Variants in PIN1 observed in about 807,000 individuals in gnomAD.
PIN1 encodes peptidyl-prolyl cis-trans isomerase NIMA-interacting 1.
In PIN1, 8 loss-of-function variants were observed where a neutral mutation model predicts 19.9. The ratio of observed to expected loss-of-function variants is 0.40; its 90% CI spans 0.24 to 0.72. PIN1 has a LOEUF of 0.72. Among genes scored for constraint, PIN1 ranks in the 30% least tolerant of loss-of-function variants. The probability of loss-of-function intolerance (pLI) is 0.37; values close to 1 mark genes in which losing one functional copy is unlikely to be tolerated. For missense variants in PIN1, 185 were observed against 226.5 expected (o/e 0.82, Z 1.18); for synonymous variants, 86 against 90.8 (o/e 0.95, Z 0.30).
intron 2 of PIN1, among the ~76,000 whole-genome samples, chr19:9,841,919 A>G (rs1298387996): frequency 6.6e-6 from 1 of 152,162 alleles, no homozygotes. Context: ...GAGCTGCTCC[A>G]AGCAATCCTG....
In PIN1 at chr19:9,843,519, A is replaced by G. The variant is rs544271036; in HGVS notation, c.272-4511A>G. On this transcript the variant is annotated intron_variant, in intron 2 of 3. Coordinates refer to ENST00000247970, the MANE Select transcript of PIN1 (RefSeq NM_006221.4). ...CCCACCTAGGTCACTGATGTGCATT[A>G]GCTTGGACTGTTGTAACAAAATATC... 6.3e-4 allele frequency among the ~76,000 whole-genome samples: 96 copies of G among 152,378 alleles called. 2 individuals carry two copies. Among genetic ancestry groups the G allele is most frequent in the Middle Eastern group, 6.8e-3 (2 of 294 alleles).
rs1179524462 is a variant in PIN1, at chr19:9,848,150, G to A, written c.382+10G>A. ...GGTGCCTTCAGCAGAGGTGCGCAAG[G>A]AATGGGCCTCACCAGGTTGGGGGAC... On this transcript the variant is annotated intron_variant, in intron 3 of 3. Transcript: ENST00000247970. The A allele has an allele frequency of 6.5e-7, 1 of 1,531,944 alleles. No individual in the cohort carries two copies. The highest frequency in any genetic ancestry group is 9.0e-7 in the Non-Finnish European group (1 of 1,105,136). 94.9% of individuals were successfully genotyped at this position (1,531,944 alleles called of 1,614,324 possible).
chr19:9,839,948 C>T (rs755424825), intron 2 of PIN1, among the ~76,000 whole-genome samples: 11 of 151,784 alleles, frequency 7.2e-5, no homozygotes, highest in African/African-American at 2.4e-4. Flanking sequence ...TGTAATGAGC[C>T]GAGATCACAC....
chr19:9,848,147 A>G lies in PIN1; in HGVS notation c.382+7A>G. The G allele has an allele frequency of 6.5e-7, 1 of 1,547,386 alleles. No homozygotes were observed. Among genetic ancestry groups the G allele is most frequent in the Non-Finnish European group, 8.9e-7 (1 of 1,119,252 alleles). ...CTGGGTGCCTTCAGCAGAGGTGCGC[A>G]AGGAATGGGCCTCACCAGGTTGGGG... is the stretch of plus-strand genomic sequence containing the variant. On this transcript the variant is annotated splice_region_variant and intron_variant, in intron 3 of 3. Transcript: ENST00000247970.
intron 2 of PIN1, among the ~76,000 whole-genome samples, chr19:9,841,562 T>G (rs1599451032): frequency 6.6e-6 from 1 of 152,194 alleles, no homozygotes; most frequent in Admixed American, 6.5e-5. Flanking sequence ...TGAGGAGGTT[T>G]GGTTCTTTCC....
intron 3 of PIN1, 91 bp from the exon 4 acceptor site, chr19:9,848,999 G>A (rs1050730652): frequency 9.3e-6 from 7 of 751,072 alleles, no homozygotes; most frequent in South Asian, 2.9e-5. Context: ...GCAGGCAGGA[G>A]CCCCATCTGT....
intron 1 of PIN1, chr19:9,835,626 A>T: frequency 8.9e-6 from 4 of 449,274 alleles, no homozygotes; most frequent in Admixed American, 4.6e-5. Context: ...TGGGCGGGTG[A>T]GGGTCCGGGG....
At position 9,835,384 on chromosome 19, in the gene PIN1, C is replaced by A; in HGVS notation, c.40C>A (p.Arg14Ser). The A allele has an allele frequency of 6.6e-7, 1 of 1,517,400 alleles. No homozygotes were observed. The highest frequency in any genetic ancestry group is 8.8e-7 in the Non-Finnish European group (1 of 1,139,652). 94.0% of individuals were successfully genotyped at this position (1,517,400 alleles called of 1,614,324 possible). The stretch of plus-strand genomic sequence containing the variant: ...GAAGCTGCCGCCCGGCTGGGAGAAG[C>A]GCATGAGCCGCAGCTCAGGTGCCGC... ...EEKLPPGWEK[R>S]MSRSSGRVYY... Residue 14 changes from arginine to serine, a missense_variant, in exon 1 of 4, where the codon CGC becomes AGC. Arg to Ser is a moderately radical substitution (Grantham distance 110). Coordinates refer to ENST00000247970, the MANE Select transcript of PIN1 (RefSeq NM_006221.4).
At chr19:9,842,176 G>C (rs1246084432) in intron 2 of PIN1, among the ~76,000 whole-genome samples, 1 of 152,210 alleles carries the variant, frequency 6.6e-6, no homozygotes. Flanking sequence ...TTGGGGGCTG[G>C]AAGTGGAAGA....
intron 3 of PIN1, 63 bp from the exon 4 acceptor site, chr19:9,849,027 C>T: frequency 1.9e-6 from 2 of 1,059,096 alleles, no homozygotes; most frequent in Non-Finnish European, 1.5e-6. Flanking sequence ...GCCACCCGCC[C>T]TGCCTCATCC....
In PIN1 at chr19:9,838,180, T is replaced by C; in HGVS notation, c.59-256T>C. The C allele has an allele frequency of 1.8e-6, 1 of 561,740 alleles. No homozygotes were observed. The highest frequency in any genetic ancestry group is 1.9e-5 in the African/African-American group (1 of 53,226). The allele number at this position is 561,740 out of a possible 1,614,324, so 34.8% of individuals were successfully genotyped here. A position where few individuals can be genotyped will look rare whatever the true frequency, so the allele number is the denominator to read the frequency against. On this transcript the variant is annotated intron_variant, in intron 1 of 3. Coordinates refer to ENST00000247970, the MANE Select transcript of PIN1 (RefSeq NM_006221.4). This position sits in a 1 kb window ranked among gnomAD's most constrained non-coding sequence, Gnocchi z 5.8. ...CCTCCTTGAAGTTATCAGGGATTGA[T>C]ACTATCCTGTGTTTCATTTGCTTGT...
chr19:9,848,647 G>GA (rs917433733), intron 3 of PIN1: 1 of 239,992 alleles, frequency 4.2e-6, no homozygotes, highest in Non-Finnish European at 8.2e-6. Flanking sequence ...GGGGTCTACA[G>GA]AAAAACATCA....
At position 9,838,602 on chromosome 19, in the gene PIN1, G is replaced by A; in HGVS notation, c.225G>A (p.Gln75=). 5 of 1,554,318 alleles carry A rather than the reference G, an allele frequency of 3.2e-6. No individual in the cohort carries two copies. Among genetic ancestry groups the A allele is most frequent in the Non-Finnish European group, 4.3e-6 (5 of 1,149,730 alleles). Reference sequence around the variant, plus strand: ...CACGGCGGCCCTCGTCCTGGCGGCAGGAGAAGATCACCCGGACCAAGGAGG... The same window carrying A: ...CACGGCGGCCCTCGTCCTGGCGGCAAGAGAAGATCACCCGGACCAAGGAGG... ...SQSRRPSSWR[Q]EKITRTKEEA... The change falls in exon 2 of 4, where the codon CAG becomes CAA. Residue 75 remains glutamine, a synonymous_variant. Coordinates refer to ENST00000247970, the MANE Select transcript of PIN1 (RefSeq NM_006221.4). This position sits in a 1 kb window ranked among gnomAD's most constrained non-coding sequence, Gnocchi z 5.8.
intron 3 of PIN1, 35 bp downstream of exon 3, chr19:9,848,175 C>T (rs1376032618): frequency 7.9e-7 from 1 of 1,266,658 alleles, no homozygotes; most frequent in East Asian, 2.3e-5. Flanking sequence ...GGTTGGGGGA[C>T]CCTTACCACC....
Position 9,849,234 on chromosome 19 carries a change from C to T in PIN1, c.*35C>T, listed in dbSNP as rs1254678131. 6.8e-7 allele frequency: 1 copy of T among 1,477,766 alleles called. No individual in the cohort carries two copies. Among genetic ancestry groups the T allele is most frequent in the Non-Finnish European group, 9.4e-7 (1 of 1,069,124 alleles). The allele number at this position is 1,477,766 out of a possible 1,614,324, so 91.5% of individuals were successfully genotyped here. ...GCCCAGGCCTGGCCTCGGGGCAGGG[C>T]AGGGCGGCTAGGCCGGCCAGCTCCC... is the stretch of plus-strand genomic sequence containing the variant. On this transcript the variant is annotated 3_prime_UTR_variant, in exon 4 of 4. Transcript: ENST00000247970.
At chr19:9,844,597 C>T (rs1023787489) in intron 2 of PIN1, among the ~76,000 whole-genome samples, 4 of 152,172 alleles carry the variant, frequency 2.6e-5, no homozygotes, top group African/African-American at 9.7e-5. Flanking sequence ...CTGGAGAGGC[C>T]ACCCTGTGTC....
At chr19:9,841,472 G>A (rs955393793) in intron 2 of PIN1, among the ~76,000 whole-genome samples, 3 of 152,232 alleles carry the variant, frequency 2.0e-5, no homozygotes, top group African/African-American at 7.2e-5. Flanking sequence ...GAACTCTGGG[G>A]AAGGCTTTGC....
chr19:9,835,366 C>G lies in PIN1; in HGVS notation c.22C>G (p.Pro8Ala). Residue 8 changes from proline to alanine, a missense_variant, in exon 1 of 4, where the codon CCG becomes GCG. Coordinates refer to ENST00000247970, the MANE Select transcript of PIN1 (RefSeq NM_006221.4). ...GAAGATGGCGGACGAGGAGAAGCTG[C>G]CGCCCGGCTGGGAGAAGCGCATGAG... MADEEKL[P>A]PGWEKRMSRS... The G allele has an allele frequency of 1.3e-6, 2 of 1,522,586 alleles. No individual in the cohort carries two copies. Among genetic ancestry groups the G allele is most frequent in the Non-Finnish European group, 1.8e-6 (2 of 1,141,782 alleles). 94.3% of individuals were successfully genotyped at this position (1,522,586 alleles called of 1,614,324 possible).
chr19:9,845,799 T>C (rs575201782), intron 2 of PIN1, among the ~76,000 whole-genome samples: 13 of 152,284 alleles, frequency 8.5e-5, no homozygotes, highest in Middle Eastern at 3.4e-3. Flanking sequence ...GGGCGGGCTG[T>C]CCAATTTCAG....
Sources: allele counts gnomAD v4.1 joint callset (sites outside exome capture counted in the v4.1 genomes callset), GRCh38; gene constraint gnomAD v4.1.1; non-coding constraint Gnocchi (gnomAD v3.1); transcripts MANE v1.5; gene names NCBI Gene and HGNC (gene_info 2026-07-23, HGNC 2026-07-21).